Variants in SMIM20 observed in about 807,000 individuals in gnomAD.
The protein encoded by SMIM20 is mitochondrial translation regulation assembly intermediate of cytochrome c oxidase protein of 7 kDa.
SMIM20 carries 3 observed loss-of-function variants against 8.7 expected under a neutral mutation model. The observed-to-expected ratio is 0.34, with a 90% CI of 0.16 to 0.89. SMIM20 has a LOEUF of 0.89. SMIM20 is among the 40% of genes least tolerant of loss of function. SMIM20 has a pLI of 0.49. For missense variants in SMIM20, 85 were observed against 84.8 expected, an observed-to-expected ratio of 1.00 and a Z score of -0.01; for synonymous variants, 44 against 33.6, an observed-to-expected ratio of 1.31 and a Z score of -1.07.
At chr4:25,925,324 AC>A (rs1719271969) in intron 1 of SMIM20, among the ~76,000 whole-genome samples, 2 of 151,782 alleles carry the variant, frequency 1.3e-5, no homozygotes, top group South Asian at 2.1e-4. Flanking sequence ...ACAACCTCTG[AC>A]CCCCAGGTTC....
intron 1 of SMIM20, among the ~76,000 whole-genome samples, chr4:25,915,816 C>T (rs1719076607): frequency 7.8e-6 from 1 of 128,666 alleles, no homozygotes; most frequent in African/African-American, 3.1e-5. Flanking sequence ...GGATATTTGG[C>T]TCAATCTGGA....
At chr4:25,919,788 C>T (rs548331369) in intron 1 of SMIM20, among the ~76,000 whole-genome samples, 1 of 152,232 alleles carries the variant, frequency 6.6e-6, no homozygotes, top group African/African-American at 2.4e-5. Flanking sequence ...AGTGTCTTTA[C>T]CCTTGAACAA....
chr4:25,924,145 A>G (rs1226656609), intron 1 of SMIM20, among the ~76,000 whole-genome samples: 1 of 152,228 alleles, frequency 6.6e-6, no homozygotes, highest in Non-Finnish European at 1.5e-5. Context: ...GTGAACCTCC[A>G]GTTCTGGAAT....
At chr4:25,918,743 A>G (rs1719142651) in intron 1 of SMIM20, among the ~76,000 whole-genome samples, 1 of 150,970 alleles carries the variant, frequency 6.6e-6, no homozygotes, top group African/African-American at 2.4e-5. Flanking sequence ...GAACTCTTTG[A>G]CCTCAGGTGA....
chr4:25,914,463 A>G (rs1719039293), intron 1 of SMIM20, 41 bp downstream of exon 1: 13 of 1,419,604 alleles, frequency 9.2e-6, no homozygotes, highest in Non-Finnish European at 1.2e-5. Flanking sequence ...TGACTCCCCA[A>G]CACACACACC....
intron 1 of SMIM20, among the ~76,000 whole-genome samples, chr4:25,922,134 GT>G (rs985612698): frequency 3.3e-5 from 5 of 152,216 alleles, no homozygotes; most frequent in African/African-American, 1.2e-4. Context: ...ATTTATAGAT[GT>G]TTAGCTGTAT....
At chr4:25,915,896 G>C (rs896632342) in intron 1 of SMIM20, among the ~76,000 whole-genome samples, 3 of 151,038 alleles carry the variant, frequency 2.0e-5, no homozygotes, top group Non-Finnish European at 4.4e-5. Context: ...GTTTCTTGTG[G>C]ATAGATGCCA....
At position 25,924,985 on chromosome 4, in the gene SMIM20, T is replaced by G. The variant is rs537126273; in HGVS notation, c.110-3328T>G. ...TTAAAAACATTGTATAAAATTATCT[T>G]CAGTCTATGTATATAAGATGTATGT... On this transcript the variant is annotated intron_variant, in intron 1 of 2. Transcript: ENST00000506197. Among the ~76,000 whole-genome samples the G allele has an allele frequency of 1.2e-4, 18 of 152,340 alleles. No individual in the cohort carries two copies. The South Asian group carries it at 2.9e-3, about 25-fold the overall frequency.
chr4:25,914,546 C>G (rs939018906), intron 1 of SMIM20, 124 bp downstream of exon 1: 5 of 946,048 alleles, frequency 5.3e-6, no homozygotes, highest in East Asian at 6.1e-5. Context: ...GGGTTCGAAT[C>G]CTGCCATGTG....
chr4:25,914,522 G>C, intron 1 of SMIM20, 100 bp downstream of exon 1: 1 of 1,206,576 alleles, frequency 8.3e-7, no homozygotes, highest in Non-Finnish European at 1.1e-6. Flanking sequence ...TTGGCTCGAG[G>C]GTTAGGGAGA....
At chr4:25,928,442 C>A in intron 2 of SMIM20, 73 bp downstream of exon 2, 1 of 1,456,692 alleles carries the variant, frequency 6.9e-7, no homozygotes, top group East Asian at 2.6e-5. Flanking sequence ...TGTGTGTTTG[C>A]CTTGGCGTGG....
intron 1 of SMIM20, 106 bp from the exon 2 acceptor site, chr4:25,928,207 T>C: frequency 8.5e-7 from 1 of 1,173,742 alleles, no homozygotes; most frequent in Non-Finnish European, 1.2e-6. Flanking sequence ...ACAGCACTCA[T>C]AAATACTGTT....
Position 25,914,539 on chromosome 4 carries a change from T to G in SMIM20, c.109+117T>G, listed in dbSNP as rs1719041287. 1.5e-5 allele frequency: 16 copies of G among 1,041,278 alleles called. No homozygotes were observed. The South Asian group carries it at 2.7e-4, about 18-fold the overall frequency. The allele number at this position is 1,041,278 out of a possible 1,614,324, so 64.5% of individuals were successfully genotyped here. ...GGCTCGAGGGTTAGGGAGAGCCGGG[T>G]TCGAATCCTGCCATGTGCAGCTTTG... On this transcript the variant is annotated intron_variant, in intron 1 of 2. Coordinates refer to ENST00000506197, the MANE Select transcript of SMIM20 (RefSeq NM_001145432.3).
chr4:25,923,538 T>C lies in SMIM20; in HGVS notation c.110-4775T>C, dbSNP rs565305525. ...ACACTAGGCCCTAACTCCTTGACCT[T>C]GCCTGTACTTAATGCCCTGCCTCAT... is the stretch of plus-strand genomic sequence containing the variant. On this transcript the variant is annotated intron_variant, in intron 1 of 2. Transcript: ENST00000506197. 1.1e-4 allele frequency among the ~76,000 whole-genome samples: 16 copies of C among 152,346 alleles called. No individual in the cohort carries two copies. The South Asian group carries it at 3.3e-3, about 32-fold the overall frequency.
At chr4:25,917,415 A>G (rs766217021) in intron 1 of SMIM20, among the ~76,000 whole-genome samples, 20 of 152,284 alleles carry the variant, frequency 1.3e-4, no homozygotes, top group Admixed American at 3.3e-4. Context: ...TTTACAAAAT[A>G]ATGAGCCACA....
Position 25,914,274 on chromosome 4 carries a change from C to T in SMIM20, c.-40C>T, listed in dbSNP as rs1160067185. 10 of 1,531,004 alleles carry T rather than the reference C, an allele frequency of 6.5e-6. No homozygotes were observed. The South Asian group carries it at 7.2e-5, about 11-fold the overall frequency. The allele number at this position is 1,531,004 out of a possible 1,614,324, so 94.8% of individuals were successfully genotyped here. A position where few individuals can be genotyped will look rare whatever the true frequency, so the allele number is the denominator to read the frequency against. ...TCGGTAACCTGGTTTCCGAGAGTGCCGGGCGGTCGGCGGGTCAGGGCAGCC... is the reference window on the plus strand; with the variant it reads ...TCGGTAACCTGGTTTCCGAGAGTGCTGGGCGGTCGGCGGGTCAGGGCAGCC... On this transcript the variant is annotated 5_prime_UTR_variant, in exon 1 of 3. Transcript: ENST00000506197.
chr4:25,926,513 C>T (rs748559985), intron 1 of SMIM20, among the ~76,000 whole-genome samples: 1 of 152,248 alleles, frequency 6.6e-6, no homozygotes, highest in South Asian at 2.1e-4. Context: ...TAAAATAAAT[C>T]TTCAGCCTTG....
In SMIM20 at chr4:25,928,358, T is replaced by A. The variant is rs1467985705; in HGVS notation, c.155T>A (p.Val52Glu). ...CGGGCTGGAATTGTTCAAGAGGATG[T>A]GCAGCCACCAGGTAAACTGAAAAAA... ...INRAGIVQED[V>E]QPPGLKVWSD... Residue 52 changes from valine (V) to glutamate (E), a missense_variant, in exon 2 of 3, where the codon GTG becomes GAG. Physicochemically the swap from Val to Glu is moderately radical, Grantham distance 121. Transcript: ENST00000506197. 2 of 1,550,376 alleles carry A rather than the reference T, an allele frequency of 1.3e-6. No individual in the cohort carries two copies. The highest frequency in any genetic ancestry group is 1.7e-4 in the Middle Eastern group (1 of 5,988).
At chr4:25,914,538 G>C (rs1479338786) in intron 1 of SMIM20, 116 bp downstream of exon 1, 1 of 1,045,706 alleles carries the variant, frequency 9.6e-7, no homozygotes, top group East Asian at 3.0e-5. Flanking sequence ...GGAGAGCCGG[G>C]TTCGAATCCT....
Sources: allele counts gnomAD v4.1 joint callset (sites outside exome capture counted in the v4.1 genomes callset), GRCh38; gene constraint gnomAD v4.1.1; transcripts MANE v1.5; gene names NCBI Gene and HGNC (gene_info 2026-07-23, HGNC 2026-07-21).